NT5M: variants seen among roughly 807,000 people sequenced by gnomAD.
NT5M encodes the protein 5',3'-nucleotidase, mitochondrial, also known as 5'(3')-deoxyribonucleotidase, mitochondrial.
In NT5M, 22 loss-of-function variants were observed where a neutral mutation model predicts 22.2. That is an observed-to-expected ratio of 0.99 (90% CI 0.71 to 1.41). The LOEUF (loss-of-function observed/expected upper bound fraction) is 1.41. Ranked by LOEUF, NT5M falls within the 40% of genes most tolerant of loss-of-function variation. The probability of loss-of-function intolerance (pLI) is 0.00; values close to 1 mark genes in which losing one functional copy is unlikely to be tolerated. For synonymous variants in NT5M, 167 were observed against 133.0 expected (o/e 1.26, Z -1.76); for missense variants, 322 against 314.8 (o/e 1.02, Z -0.17).
intron 3 of NT5M, chr17:17,333,370 C>T (rs1487869629): frequency 6.6e-6 from 1 of 152,126 alleles, no homozygotes; most frequent in African/African-American, 2.4e-5. Flanking sequence ...GTGGCATGAT[C>T]CCGCCTCACT....
At chr17:17,342,467 T>C (rs1042186940) in intron 3 of NT5M, among the ~76,000 whole-genome samples, 1 of 152,212 alleles carries the variant, frequency 6.6e-6, no homozygotes, top group Non-Finnish European at 1.5e-5. Context: ...GAAATGTTCA[T>C]GGCAGTTTGT....
Position 17,303,736 on chromosome 17 carries a change from CG to C in NT5M, c.187del (p.Asp63ThrfsTer26). The C allele has an allele frequency of 1.3e-6, 2 of 1,591,316 alleles. No individual in the cohort carries two copies. The highest frequency in any genetic ancestry group is 1.7e-6 in the Non-Finnish European group (2 of 1,170,986). On this transcript the variant is annotated frameshift_variant, in exon 1 of 5. Coordinates refer to ENST00000389022, the MANE Select transcript of NT5M (RefSeq NM_020201.4). LOFTEE classifies it high-confidence loss of function. ...TCAGGAAGTTCCGCGCGCGCTTTCCCGACCAGCCCTTCATCGCGCTGGAGGA... is the reference window on the plus strand; with the variant it reads ...TCAGGAAGTTCCGCGCGCGCTTTCCCACCAGCCCTTCATCGCGCTGGAGGA... ...FLRKFRARFP[D>X]QPFIALEDRR...
chr17:17,328,040 T>A (rs1191359690), intron 3 of NT5M, among the ~76,000 whole-genome samples: 1 of 152,162 alleles, frequency 6.6e-6, no homozygotes, highest in Non-Finnish European at 1.5e-5. Context: ...GAAATACAAT[T>A]CCTGGGTCAC....
chr17:17,346,532 G>A (rs571055326), intron 4 of NT5M, among the ~76,000 whole-genome samples: 26 of 152,296 alleles, frequency 1.7e-4, no homozygotes, highest in African/African-American at 4.8e-4. Flanking sequence ...ATCAGGAGGC[G>A]GGGCACATGT....
At chr17:17,345,330 A>ACC in intron 4 of NT5M, 1 of 955,202 alleles carries the variant, frequency 1.0e-6, no homozygotes, top group Non-Finnish European at 1.2e-6. Context: ...GGGACAGAAG[A>ACC]CCCCCCTCCC....
chr17:17,340,850 A>G (rs1476305431), intron 3 of NT5M, among the ~76,000 whole-genome samples: 1 of 151,704 alleles, frequency 6.6e-6, no homozygotes, highest in African/African-American at 2.4e-5. Flanking sequence ...TTTCTTTAGG[A>G]TGCATCATTA....
chr17:17,344,007 GA>G (rs1442232467), intron 3 of NT5M, among the ~76,000 whole-genome samples: 2 of 152,136 alleles, frequency 1.3e-5, no homozygotes, highest in Non-Finnish European at 2.9e-5. Context: ...TACCCTATAG[GA>G]AAAAGTCAAT....
chr17:17,328,848 C>T (rs2049315305), intron 3 of NT5M, among the ~76,000 whole-genome samples: 1 of 152,150 alleles, frequency 6.6e-6, no homozygotes, highest in Non-Finnish European at 1.5e-5. Flanking sequence ...AAGAAGGTTT[C>T]CCAACATTCT....
chr17:17,317,061 T>G (rs553644805), intron 2 of NT5M, among the ~76,000 whole-genome samples: 45 of 139,544 alleles, frequency 3.2e-4, no homozygotes, highest in Admixed American at 4.9e-4. Context: ...TTTTGTTTTT[T>G]TTTTTTGAGA....
chr17:17,332,915 T>C (rs1182184862), intron 3 of NT5M, among the ~76,000 whole-genome samples: 2 of 152,100 alleles, frequency 1.3e-5, no homozygotes, highest in African/African-American at 4.8e-5. Context: ...GTACCTCTGC[T>C]CAATTTTGCT....
chr17:17,315,856 G>A lies in NT5M; in HGVS notation c.369-7329G>A, dbSNP rs1301691870. ...TGCAAGCTCCGCCTCCCGGGTTCAT[G>A]CTGTTCTGCCTCAGCCTCCCAAGTA... On this transcript the variant is annotated intron_variant, in intron 2 of 4. Coordinates refer to ENST00000389022, the MANE Select transcript of NT5M (RefSeq NM_020201.4). 1.0e-4 allele frequency among the ~76,000 whole-genome samples: 15 copies of A among 143,092 alleles called. No homozygotes were observed. In the Admixed American group the frequency reaches 1.2e-3, roughly 11 times the overall value. The allele number at this position is 143,092 out of a possible 152,430, so 93.9% of individuals were successfully genotyped here. A position where few individuals can be genotyped will look rare whatever the true frequency, so the allele number is the denominator to read the frequency against.
At chr17:17,306,924 G>A (rs369255332) in intron 2 of NT5M, among the ~76,000 whole-genome samples, 2 of 152,190 alleles carry the variant, frequency 1.3e-5, no homozygotes, top group Non-Finnish European at 2.9e-5. Context: ...ATGCCCGGAC[G>A]TGGTGGCTCA....
rs144178991 is a variant in NT5M, at chr17:17,310,590, A to C, written c.368+3947A>C. ...GGTGGCTTAGGCCTGTAATCTCAGCACTTGGCAGGCCGAGGCAGGCAGATC... is the reference window on the plus strand; with the variant it reads ...GGTGGCTTAGGCCTGTAATCTCAGCCCTTGGCAGGCCGAGGCAGGCAGATC... On this transcript the variant is annotated intron_variant, in intron 2 of 4. Coordinates refer to ENST00000389022, the MANE Select transcript of NT5M (RefSeq NM_020201.4). Among the ~76,000 whole-genome samples, 565 of 152,292 alleles carry C rather than the reference A, an allele frequency of 3.7e-3. 2 individuals carry two copies. Among genetic ancestry groups the C allele is most frequent in the Non-Finnish European group, 5.9e-3 (399 of 68,018 alleles).
At chr17:17,306,902 C>T (rs1339071441) in intron 2 of NT5M, among the ~76,000 whole-genome samples, 1 of 152,190 alleles carries the variant, frequency 6.6e-6, no homozygotes, top group Non-Finnish European at 1.5e-5. Context: ...GTGTTCAAAG[C>T]TCATTTATTC....
intron 3 of NT5M, among the ~76,000 whole-genome samples, chr17:17,332,545 A>AT (rs1454382496): frequency 6.6e-6 from 1 of 151,962 alleles, no homozygotes; most frequent in Non-Finnish European, 1.5e-5. Context: ...ATTTTTCCTG[A>AT]TTCTGGTTTA....
At chr17:17,343,174 G>A (rs558756826) in intron 3 of NT5M, among the ~76,000 whole-genome samples, 1 of 152,302 alleles carries the variant, frequency 6.6e-6, no homozygotes, top group South Asian at 2.1e-4. Flanking sequence ...GAGAGTTCAG[G>A]GAAGGCTTAG....
chr17:17,317,054 T>TG (rs2030977374), intron 2 of NT5M, among the ~76,000 whole-genome samples: 1 of 81,590 alleles, frequency 1.2e-5, no homozygotes, highest in Non-Finnish European at 2.9e-5. Context: ...TTTTTGTTTT[T>TG]GTTTTTTTTT....
At chr17:17,329,284 T>G (rs12943271) in intron 3 of NT5M, among the ~76,000 whole-genome samples, 38,381 of 152,084 alleles carry the variant, frequency 0.25, 5,531 homozygotes, top group African/African-American at 0.39. Context: ...GGCCTTAAAA[T>G]AGGTATCTTT....
rs936593783 is a variant in NT5M, at chr17:17,341,448, G to A, written c.430-3346G>A. 8.5e-5 allele frequency among the ~76,000 whole-genome samples: 13 copies of A among 152,124 alleles called. No individual in the cohort carries two copies. In the East Asian group the frequency reaches 2.5e-3, roughly 29 times the overall value. ...ACTTAGGGCCTAATTTTGAGGGTAA[G>A]ACAAAAAGGTAGAATCCTTTTTCTG... On this transcript the variant is annotated intron_variant, in intron 3 of 4. Coordinates refer to ENST00000389022, the MANE Select transcript of NT5M (RefSeq NM_020201.4).
Sources: gnomAD v4.1 joint callset for allele counts (sites outside exome capture counted in the v4.1 genomes callset) on GRCh38, gnomAD v4.1.1 for gene constraint, MANE v1.5 for transcripts, NCBI Gene and HGNC (gene_info 2026-07-23, HGNC 2026-07-21) for gene names.